RBFOX1: variants seen among roughly 807,000 people sequenced by gnomAD.
RBFOX1 encodes the protein RNA binding protein fox-1 homolog 1.
In RBFOX1, 8 loss-of-function variants were observed where a neutral mutation model predicts 57.7. The observed-to-expected ratio is 0.14, with a 90% confidence interval of 0.08 to 0.25. RBFOX1 has a LOEUF of 0.25. RBFOX1 is among the 10% of genes least tolerant of loss of function. RBFOX1 has a pLI of 1.00. For missense variants in RBFOX1, 611 were observed against 548.5 expected (o/e 1.11, Z -1.14); for synonymous variants, 326 against 222.4 (o/e 1.47, Z -4.15).
At chr16:5,967,077 A>G (rs2059860800) in intron 4 of RBFOX1, among the ~76,000 whole-genome samples, 1 of 148,312 alleles carries the variant, frequency 6.7e-6, no homozygotes, top group South Asian at 2.1e-4. Flanking sequence ...ATGACCGCTC[A>G]TTTATATATA....
At chr16:5,431,036 G>A (rs1043839887) in intron 1 of RBFOX1, among the ~76,000 whole-genome samples, 43 of 152,152 alleles carry the variant, frequency 2.8e-4, no homozygotes, top group African/African-American at 1.0e-3. Context: ...GGAGCCTACT[G>A]AGAATTGGTG....
At chr16:5,574,998 C>G (rs905753876) in intron 2 of RBFOX1, among the ~76,000 whole-genome samples, 1 of 152,202 alleles carries the variant, frequency 6.6e-6, no homozygotes, top group Non-Finnish European at 1.5e-5. Context: ...TGTCCCCTGG[C>G]TAACCAGATA....
intron 3 of RBFOX1, among the ~76,000 whole-genome samples, chr16:6,720,736 C>T (rs2065825846): frequency 6.6e-6 from 1 of 152,168 alleles, no homozygotes; most frequent in African/African-American, 2.4e-5. Context: ...TGATTGGAAA[C>T]ATGAGCTTCA....
In RBFOX1 at chr16:6,949,559, G is replaced by A. The variant is rs528266095; in HGVS notation, c.-15-102498G>A. ...CCCTGGTTTACTGATGACGATCTTC[G>A]GGGTGTGTCCTCACTTGGCCTTTTT... On this transcript the variant is annotated intron_variant, in intron 3 of 15. Transcript: ENST00000550418. Among the ~76,000 whole-genome samples the A allele has an allele frequency of 4.4e-5, 6 of 137,784 alleles. No individual in the cohort carries two copies. The East Asian group carries it at 6.1e-4, about 14-fold the overall frequency. 90.4% of individuals were successfully genotyped at this position (137,784 alleles called of 152,430 possible).
chr16:5,840,882 G>A (rs944612940), intron 3 of RBFOX1, among the ~76,000 whole-genome samples: 3 of 152,174 alleles, frequency 2.0e-5, no homozygotes, highest in Non-Finnish European at 4.4e-5. Context: ...ACTGCCAGAA[G>A]CTTCCTGCCA....
intron 4 of RBFOX1, among the ~76,000 whole-genome samples, chr16:5,971,401 C>T (rs1596321552): frequency 6.6e-6 from 1 of 152,040 alleles, no homozygotes; most frequent in Admixed American, 6.6e-5. Flanking sequence ...GGTGTGGGGA[C>T]CATAGATCTC....
chr16:6,748,780 G>C (rs1043384312), intron 3 of RBFOX1: 1 of 152,096 alleles, frequency 6.6e-6, no homozygotes, highest in Non-Finnish European at 1.5e-5. Flanking sequence ...ATTCTCAGAG[G>C]TTATGATTAA....
At chr16:7,263,420 C>T (rs1215040424) in intron 4 of RBFOX1, among the ~76,000 whole-genome samples, 2 of 152,166 alleles carry the variant, frequency 1.3e-5, no homozygotes, top group Non-Finnish European at 2.9e-5. Context: ...GGTAGCAGGG[C>T]TCCTTGGAGA....
intron 3 of RBFOX1, among the ~76,000 whole-genome samples, chr16:6,661,390 C>G (rs886188103): frequency 2.6e-5 from 4 of 152,096 alleles, no homozygotes; most frequent in Non-Finnish European, 4.4e-5. Flanking sequence ...GAATGCAAGT[C>G]CAGTGTGTGT....
At chr16:6,309,214 C>G (rs966841979) in intron 1 of RBFOX1, among the ~76,000 whole-genome samples, 1 of 152,056 alleles carries the variant, frequency 6.6e-6, no homozygotes, top group East Asian at 1.9e-4. Context: ...CTGGGTCTAG[C>G]TAAAGTTTGG....
At chr16:5,793,672 G>A (rs1215326019) in intron 3 of RBFOX1, among the ~76,000 whole-genome samples, 1 of 152,200 alleles carries the variant, frequency 6.6e-6, no homozygotes, top group African/African-American at 2.4e-5. Context: ...GATGCTGGAG[G>A]GCCCAGACTG....
intron 2 of RBFOX1, among the ~76,000 whole-genome samples, chr16:6,425,593 G>A (rs770431681): frequency 1.3e-5 from 2 of 151,568 alleles, no homozygotes; most frequent in Non-Finnish European, 2.9e-5. Context: ...ACTGTATGTG[G>A]TTTATCACTA....
chr16:7,073,957 C>G (rs1357811002), intron 4 of RBFOX1, among the ~76,000 whole-genome samples: 1 of 152,152 alleles, frequency 6.6e-6, no homozygotes, highest in East Asian at 1.9e-4. Context: ...TATGAGACAG[C>G]TCCCTGTTTC....
intron 3 of RBFOX1, among the ~76,000 whole-genome samples, chr16:6,672,919 C>A (rs1204699802): frequency 6.6e-6 from 1 of 152,102 alleles, no homozygotes; most frequent in Non-Finnish European, 1.5e-5. Flanking sequence ...CCCCTAGACC[C>A]CAGGCAAGGG....
intron 1 of RBFOX1, among the ~76,000 whole-genome samples, chr16:5,266,548 GT>G (rs3035524): frequency 4.7e-5 from 6 of 128,022 alleles, no homozygotes; most frequent in Admixed American, 8.2e-5. Flanking sequence ...GAAATGTTCA[GT>G]TTTTTTTTTT....
chr16:6,669,271 G>A (rs970904436), intron 3 of RBFOX1, among the ~76,000 whole-genome samples: 7 of 152,118 alleles, frequency 4.6e-5, no homozygotes, highest in Non-Finnish European at 7.3e-5. Context: ...GTGTGTGTGC[G>A]TTTGTCTATC....
intron 3 of RBFOX1, among the ~76,000 whole-genome samples, chr16:6,783,124 C>G (rs568763043): frequency 2.0e-5 from 3 of 151,350 alleles, no homozygotes; most frequent in African/African-American, 7.3e-5. Flanking sequence ...TGTGTGTTTT[C>G]GTAGGTAAAA....
chr16:6,757,177 A>G (rs2075936255), intron 3 of RBFOX1, among the ~76,000 whole-genome samples: 1 of 152,200 alleles, frequency 6.6e-6, no homozygotes, highest in African/African-American at 2.4e-5. Context: ...AGAAAAGGGA[A>G]CTTTTATGCA....
chr16:7,696,857 G>A (rs112752619), intron 14 of RBFOX1, among the ~76,000 whole-genome samples: 46 of 152,234 alleles, frequency 3.0e-4, no homozygotes, highest in Non-Finnish European at 4.4e-4. Flanking sequence ...TAAAGTGAAC[G>A]TGTGACCCAT....
Sources: allele counts gnomAD v4.1 joint callset (sites outside exome capture counted in the v4.1 genomes callset), GRCh38; gene constraint gnomAD v4.1.1; transcripts MANE v1.5; gene names NCBI Gene and HGNC (gene_info 2026-07-23, HGNC 2026-07-21).